The following CCDC93 variants were observed in gnomAD, a reference collection of about 807,000 sequenced individuals.
CCDC93 encodes the protein coiled-coil domain-containing protein 93.
CCDC93 carries 61 observed loss-of-function variants against 108.2 expected under a neutral mutation model. The observed-to-expected ratio is 0.56, with a 90% confidence interval of 0.46 to 0.70. The LOEUF (loss-of-function observed/expected upper bound fraction) is 0.70, where lower values mean the gene tolerates loss of function less well. Among genes scored for constraint, CCDC93 ranks in the 30% least tolerant of loss-of-function variants. The pLI is 0.00. For synonymous variants in CCDC93, 276 were observed against 260.4 expected (o/e 1.06, Z -0.58); for missense variants, 685 against 764.2 (o/e 0.90, Z 1.22).
chr2:117,988,599 G>A lies in CCDC93; in HGVS notation c.520-2530C>T, dbSNP rs528023415. 7.2e-5 allele frequency among the ~76,000 whole-genome samples: 11 copies of A among 152,234 alleles called. No individual in the cohort carries two copies. The South Asian group carries it at 2.1e-3, about 29-fold the overall frequency. ...CCATCTTACTTAGCCTATGTGTCCC[G>A]TCAGTAATTCTGCCTTTCACCTAAA... On this transcript the variant is annotated intron_variant, in intron 6 of 23. Transcript: ENST00000376300.
At chr2:117,925,166 C>T (rs909761239) in intron 23 of CCDC93, among the ~76,000 whole-genome samples, 28 of 152,196 alleles carry the variant, frequency 1.8e-4, no homozygotes, top group African/African-American at 6.3e-4. Flanking sequence ...ACTGCAAAAA[C>T]ATGCCAAATT....
chr2:117,973,686 A>G (rs540891910), intron 11 of CCDC93, among the ~76,000 whole-genome samples: 3 of 152,304 alleles, frequency 2.0e-5, no homozygotes, highest in East Asian at 3.9e-4. Context: ...TTTTCTCTTT[A>G]TATTTACAGA....
chr2:117,940,759 G>A (rs1384807310), intron 19 of CCDC93, among the ~76,000 whole-genome samples: 1 of 152,190 alleles, frequency 6.6e-6, no homozygotes, highest in African/African-American at 2.4e-5. Context: ...GGCTGAGGGG[G>A]TCATGGTCCT....
chr2:117,925,295 C>A lies in CCDC93; in HGVS notation c.1843-4899G>T, dbSNP rs190156062. Among the ~76,000 whole-genome samples the A allele has an allele frequency of 3.1e-3, 467 of 152,178 alleles. 1 individual carries two copies. Among genetic ancestry groups the A allele is most frequent in the African/African-American group, 0.011 (437 of 41,506 alleles). On this transcript the variant is annotated intron_variant, in intron 23 of 23. Transcript: ENST00000376300. ...AATATTAACCTTAAATGTAAATGGGCTAAATGCTTCAATTAAAAGACACAG... is the reference window on the plus strand; with the variant it reads ...AATATTAACCTTAAATGTAAATGGGATAAATGCTTCAATTAAAAGACACAG...
chr2:117,996,283 T>G lies in CCDC93; in HGVS notation c.443A>C (p.Lys148Thr), dbSNP rs773220121. 6.2e-7 allele frequency: 1 copy of G among 1,611,860 alleles called. No individual in the cohort carries two copies. The highest frequency in any genetic ancestry group is 1.7e-5 in the Admixed American group (1 of 60,012). Reference sequence around the variant, plus strand: ...ACTGACCTCAGGGAGACTGTAAGTCTTCTGGAACTGGGATACAGAGTAGGA... The same window carrying G: ...ACTGACCTCAGGGAGACTGTAAGTCGTCTGGAACTGGGATACAGAGTAGGA... ...IRSYSVSQFQ[K>T]TYSLPEDDDF... The change falls in exon 5 of 24, where the codon AAG (lysine) becomes ACG (threonine). Residue 148 changes from lysine to threonine, a missense_variant. Coordinates refer to ENST00000376300, the MANE Select transcript of CCDC93 (RefSeq NM_019044.5).
At chr2:117,975,012 C>G in intron 9 of CCDC93, 112 bp from the exon 10 acceptor site, 1 of 1,090,422 alleles carries the variant, frequency 9.2e-7, no homozygotes, top group Non-Finnish European at 1.4e-6. Context: ...TCCTTGATCT[C>G]GTCTTATGTG....
intron 11 of CCDC93, among the ~76,000 whole-genome samples, chr2:117,967,519 T>C (rs951187168): frequency 6.6e-6 from 1 of 152,166 alleles, no homozygotes; most frequent in East Asian, 1.9e-4. Flanking sequence ...GGCAGTTGAA[T>C]AGTGGGACAG....
At chr2:117,935,097 C>T (rs993147349) in intron 22 of CCDC93, among the ~76,000 whole-genome samples, 2 of 152,066 alleles carry the variant, frequency 1.3e-5, no homozygotes, top group Non-Finnish European at 1.5e-5. Context: ...TCTCTTGTGG[C>T]GGAATGTCAG....
At chr2:117,996,604 T>A (rs894226387) in intron 4 of CCDC93, 2 of 350,958 alleles carry the variant, frequency 5.7e-6, no homozygotes, top group Non-Finnish European at 1.1e-5. Context: ...TTACTTCACA[T>A]CCTTGAGCCT....
chr2:117,926,107 A>G lies in CCDC93; in HGVS notation c.1842+4930T>C, dbSNP rs1341906528. Among the ~76,000 whole-genome samples, 3 of 152,200 alleles carry G rather than the reference A, an allele frequency of 2.0e-5. No individual in the cohort carries two copies. The East Asian group carries it at 5.8e-4, about 29-fold the overall frequency. On this transcript the variant is annotated intron_variant, in intron 23 of 23. Transcript: ENST00000376300. ...CACAACATACCAGAATCTCTGGGAC[A>G]CATTCAAAGCAGTGTGTAGAGGGAA...
chr2:117,981,974 TG>T (rs1680138159), intron 7 of CCDC93, among the ~76,000 whole-genome samples: 2 of 152,172 alleles, frequency 1.3e-5, no homozygotes, highest in Admixed American at 6.5e-5. Context: ...CTGTGAACTT[TG>T]TTCTTTATTC....
At chr2:117,934,814 C>T (rs1862961) in intron 22 of CCDC93, 148,124 of 152,298 alleles carry the variant, frequency 0.97, 72,167 homozygotes, top group Middle Eastern at 1. Flanking sequence ...ACCACTCTGG[C>T]GTGATACATT....
chr2:117,923,723 A>C lies in CCDC93; in HGVS notation c.1843-3327T>G, dbSNP rs527484198. On this transcript the variant is annotated intron_variant, in intron 23 of 23. Coordinates refer to ENST00000376300, the MANE Select transcript of CCDC93 (RefSeq NM_019044.5). The stretch of plus-strand genomic sequence containing the variant: ...TCTGGGGGCAGGCATAGCCAAACAA[A>C]AGGCAGCAGAATCCTCTGCAGACTT... Among the ~76,000 whole-genome samples the C allele has an allele frequency of 3.9e-5, 6 of 152,250 alleles. No individual in the cohort carries two copies. In the South Asian group the frequency reaches 1.2e-3, roughly 32 times the overall value.
At chr2:117,988,349 T>A (rs1680380515) in intron 6 of CCDC93, among the ~76,000 whole-genome samples, 1 of 152,130 alleles carries the variant, frequency 6.6e-6, no homozygotes, top group Non-Finnish European at 1.5e-5. Flanking sequence ...AACAGCACAG[T>A]ACCATGGCAG....
chr2:117,924,130 C>T (rs1173347673), intron 23 of CCDC93, among the ~76,000 whole-genome samples: 1 of 152,192 alleles, frequency 6.6e-6, no homozygotes, highest in East Asian at 1.9e-4. Context: ...CCCATCTGTA[C>T]ATCACCATCA....
chr2:118,008,001 A>G (rs1676924608), intron 2 of CCDC93, among the ~76,000 whole-genome samples: 3 of 152,122 alleles, frequency 2.0e-5, no homozygotes, highest in African/African-American at 4.8e-5. Context: ...CTTGTCTCTC[A>G]TCCCCACTCT....
At chr2:117,969,878 G>A (rs527543560) in intron 11 of CCDC93, among the ~76,000 whole-genome samples, 67 of 152,088 alleles carry the variant, frequency 4.4e-4, no homozygotes, top group African/African-American at 1.6e-3. Context: ...TTACAGCATC[G>A]AACCCAAAGC....
chr2:118,013,393 G>GC (rs1453016215), intron 1 of CCDC93, among the ~76,000 whole-genome samples: 1 of 152,100 alleles, frequency 6.6e-6, no homozygotes, highest in Non-Finnish European at 1.5e-5. Context: ...CCTGGTGCGC[G>GC]CAAGTCTCCC....
chr2:117,989,785 C>T (rs1449421987), intron 6 of CCDC93, among the ~76,000 whole-genome samples: 2 of 152,152 alleles, frequency 1.3e-5, no homozygotes, highest in African/African-American at 2.4e-5. Flanking sequence ...AAGATATATA[C>T]ATATTTACAT....
Sources: allele counts gnomAD v4.1 joint callset (sites outside exome capture counted in the v4.1 genomes callset), GRCh38; gene constraint gnomAD v4.1.1; transcripts MANE v1.5; gene names NCBI Gene and HGNC (gene_info 2026-07-23, HGNC 2026-07-21).